The following CNTNAP2 variants were observed in gnomAD, a reference collection of about 807,000 sequenced individuals.
CNTNAP2 encodes contactin-associated protein-like 2.
Under a neutral mutation model 155.2 loss-of-function variants are expected in CNTNAP2, and 98 were observed. The ratio of observed to expected loss-of-function variants is 0.63; its 90% CI spans 0.54 to 0.75. The LOEUF is 0.75. Ranked by LOEUF, CNTNAP2 falls within the 30% of genes least tolerant of loss-of-function variation. CNTNAP2 has a pLI of 0.00. For synonymous variants in CNTNAP2, 651 were observed against 631.2 expected, an observed-to-expected ratio of 1.03 and a Z score of -0.47; for missense variants, 1,727 against 1,688.1, an observed-to-expected ratio of 1.02 and a Z score of -0.40.
chr7:147,234,462 AGAG>A (rs1337963254), intron 8 of CNTNAP2, among the ~76,000 whole-genome samples: 1 of 147,794 alleles, frequency 6.8e-6, no homozygotes, highest in African/African-American at 2.5e-5. Flanking sequence ...CTCAGCCTCC[AGAG>A]TAGCTGGGAC....
chr7:147,830,769 A>C (rs1440756795), intron 13 of CNTNAP2, among the ~76,000 whole-genome samples: 1 of 152,184 alleles, frequency 6.6e-6, no homozygotes, highest in Admixed American at 6.5e-5. Context: ...TCCATACAGC[A>C]TTCTCTTGTA....
At chr7:146,218,012 A>G (rs802541) in intron 1 of CNTNAP2, among the ~76,000 whole-genome samples, 2,718 of 152,236 alleles carry the variant, frequency 0.018, 92 homozygotes, top group African/African-American at 0.063. Flanking sequence ...CATGTTTTTT[A>G]AAAAGATCAA....
intron 8 of CNTNAP2, among the ~76,000 whole-genome samples, chr7:147,238,426 C>G (rs531300778): frequency 2.0e-5 from 3 of 151,468 alleles, no homozygotes; most frequent in Non-Finnish European, 2.9e-5. Context: ...CACACACACA[C>G]AGATTTTATC....
At chr7:146,326,104 A>G (rs1032846406) in intron 1 of CNTNAP2, among the ~76,000 whole-genome samples, 1 of 152,238 alleles carries the variant, frequency 6.6e-6, no homozygotes, top group African/African-American at 2.4e-5. Context: ...ATGCTCAGAC[A>G]TGGTAGATCT....
intron 1 of CNTNAP2, among the ~76,000 whole-genome samples, chr7:146,712,684 A>G (rs1482786052): frequency 6.6e-6 from 1 of 151,668 alleles, no homozygotes; most frequent in Non-Finnish European, 1.5e-5. Flanking sequence ...TTAGTTTAAG[A>G]TAAAATAAAT....
intron 8 of CNTNAP2, among the ~76,000 whole-genome samples, chr7:147,185,014 A>C (rs1422092528): frequency 6.6e-6 from 1 of 152,180 alleles, no homozygotes; most frequent in Non-Finnish European, 1.5e-5. Context: ...AGGGGAGGAA[A>C]AAGCCACTTA....
At chr7:146,842,089 G>A (rs190037970) in intron 3 of CNTNAP2, among the ~76,000 whole-genome samples, 1 of 152,044 alleles carries the variant, frequency 6.6e-6, no homozygotes, top group South Asian at 2.1e-4. Flanking sequence ...GTTTCACCAG[G>A]TTGGTCAGTC....
At chr7:147,669,085 T>A (rs1459606254) in intron 13 of CNTNAP2, among the ~76,000 whole-genome samples, 1 of 152,234 alleles carries the variant, frequency 6.6e-6, no homozygotes, top group African/African-American at 2.4e-5. Context: ...GTTTATAACC[T>A]AGGAGCAATA....
At chr7:148,275,690 T>C (rs948533671) in intron 21 of CNTNAP2, among the ~76,000 whole-genome samples, 16 of 152,134 alleles carry the variant, frequency 1.1e-4, no homozygotes, top group Non-Finnish European at 1.8e-4. Context: ...CCCCCAAGGG[T>C]TCCAAATCAT....
intron 1 of CNTNAP2, among the ~76,000 whole-genome samples, chr7:146,348,157 C>A (rs1794845677): frequency 6.6e-6 from 1 of 152,112 alleles, no homozygotes; most frequent in Non-Finnish European, 1.5e-5. Flanking sequence ...CAGTGGCTCA[C>A]TCCTGTAATC....
At chr7:148,279,480 T>C (rs1409042254) in intron 21 of CNTNAP2, among the ~76,000 whole-genome samples, 1 of 152,206 alleles carries the variant, frequency 6.6e-6, no homozygotes, top group Non-Finnish European at 1.5e-5. Context: ...GGCTGCCTAC[T>C]ACAATGAGGT....
At chr7:147,104,262 T>A (rs950784252) in intron 4 of CNTNAP2, among the ~76,000 whole-genome samples, 4 of 152,036 alleles carry the variant, frequency 2.6e-5, no homozygotes, top group African/African-American at 9.7e-5. Flanking sequence ...CCACCACAAT[T>A]TTTATTGAAG....
intron 3 of CNTNAP2, among the ~76,000 whole-genome samples, chr7:147,011,240 C>T (rs1223426365): frequency 6.6e-6 from 1 of 151,512 alleles, no homozygotes; most frequent in Non-Finnish European, 1.5e-5. Flanking sequence ...ATCATGAAAC[C>T]CCGTCTCTAC....
At chr7:147,452,271 CT>C (rs966428649) in intron 10 of CNTNAP2, among the ~76,000 whole-genome samples, 1 of 152,176 alleles carries the variant, frequency 6.6e-6, no homozygotes, top group Non-Finnish European at 1.5e-5. Context: ...ATACATGCCA[CT>C]CCTTAGTATT....
intron 13 of CNTNAP2, among the ~76,000 whole-genome samples, chr7:147,739,932 C>T (rs1796927168): frequency 6.6e-6 from 1 of 152,166 alleles, no homozygotes; most frequent in African/African-American, 2.4e-5. Flanking sequence ...ACTGTGTTGA[C>T]TCAATCTACC....
At chr7:147,688,272 G>A (rs1042123024) in intron 13 of CNTNAP2, among the ~76,000 whole-genome samples, 4 of 152,090 alleles carry the variant, frequency 2.6e-5, no homozygotes, top group Non-Finnish European at 5.9e-5. Flanking sequence ...ACAAAATGTC[G>A]ATAGCCCCAA....
chr7:146,940,689 A>G (rs1048168029), intron 3 of CNTNAP2, among the ~76,000 whole-genome samples: 1 of 134,440 alleles, frequency 7.4e-6, no homozygotes, highest in Non-Finnish European at 1.7e-5. Flanking sequence ...TAGTAAATAT[A>G]TATATATACA....
chr7:146,981,176 A>G (rs942357520), intron 3 of CNTNAP2, among the ~76,000 whole-genome samples: 3 of 152,182 alleles, frequency 2.0e-5, no homozygotes, highest in African/African-American at 4.8e-5. Context: ...TTTTCACTTC[A>G]TAAATATTGA....
chr7:146,922,487 G>A (rs1796523392), intron 3 of CNTNAP2, among the ~76,000 whole-genome samples: 1 of 151,954 alleles, frequency 6.6e-6, no homozygotes, highest in East Asian at 1.9e-4. Flanking sequence ...CAATATATAT[G>A]GTTGTTTTGG....
Sources: allele counts gnomAD v4.1 joint callset (sites outside exome capture counted in the v4.1 genomes callset), GRCh38; gene constraint gnomAD v4.1.1; transcripts MANE v1.5; gene names NCBI Gene and HGNC (gene_info 2026-07-23, HGNC 2026-07-21).